Variants in FUT8 observed in about 807,000 individuals in gnomAD.
The protein encoded by FUT8 is fucosyltransferase 8.
In FUT8, 29 loss-of-function variants were observed where a neutral mutation model predicts 71.3. That is an observed-to-expected ratio of 0.41 (90% CI 0.30 to 0.55). The LOEUF (loss-of-function observed/expected upper bound fraction) is 0.55. Ranked by LOEUF, FUT8 falls within the 20% of genes least tolerant of loss-of-function variation. FUT8 has a pLI of 0.34. For missense variants in FUT8, 544 were observed against 702.1 expected (o/e 0.77, Z 2.55); for synonymous variants, 254 against 239.3 (o/e 1.06, Z -0.57).
intron 2 of FUT8, among the ~76,000 whole-genome samples, chr14:65,461,207 A>C (rs1317274983): frequency 3.3e-5 from 5 of 152,006 alleles, no homozygotes. Flanking sequence ...AATCCTTGGT[A>C]TTTCTTGACT....
At chr14:65,465,616 GT>G (rs1440419387) in intron 2 of FUT8, among the ~76,000 whole-genome samples, 1 of 152,138 alleles carries the variant, frequency 6.6e-6, no homozygotes, top group Non-Finnish European at 1.5e-5. Flanking sequence ...CTATGTTTTT[GT>G]TTAACTAGTT....
chr14:65,438,598 G>C (rs921211317), intron 1 of FUT8, among the ~76,000 whole-genome samples: 1 of 152,156 alleles, frequency 6.6e-6, no homozygotes, highest in Non-Finnish European at 1.5e-5. Context: ...AGCAGCTCTG[G>C]AGTATTATCA....
chr14:65,498,574 CAT>C (rs1212325935), intron 2 of FUT8, among the ~76,000 whole-genome samples: 1 of 152,114 alleles, frequency 6.6e-6, no homozygotes, highest in Non-Finnish European at 1.5e-5. Flanking sequence ...TTTAAATACT[CAT>C]AGAATATAAT....
intron 1 of FUT8, among the ~76,000 whole-genome samples, chr14:65,447,879 G>T (rs903169300): frequency 2.0e-5 from 3 of 152,062 alleles, no homozygotes; most frequent in Admixed American, 1.3e-4. Flanking sequence ...AAACCTCTTC[G>T]TTTCTGTTTC....
Position 65,724,286 on chromosome 14 carries a change from A to G in FUT8, c.1222A>G (p.Thr408Ala). 1.9e-6 allele frequency: 3 copies of G among 1,611,066 alleles called. No homozygotes were observed. Among genetic ancestry groups the G allele is most frequent in the Non-Finnish European group, 2.5e-6 (3 of 1,179,338 alleles). ...GGACAAAAAAAGAGTGTATTTGGCC[A>G]CAGATGACCCTTCTTTATTAAAGGA... ...QVDKKRVYLA[T>A]DDPSLLKEAK... Residue 408 changes from threonine (T) to alanine (A), a missense_variant, in exon 9 of 11, where the codon ACA becomes GCA. Physicochemically the swap from Thr to Ala is moderately conservative, Grantham distance 58. Transcript: ENST00000673929.
rs1418473590 is a variant in FUT8 at position 65,469,922 on chromosome 14, C to T, written c.-228+14204C>T. Among the ~76,000 whole-genome samples the T allele has an allele frequency of 3.3e-5, 5 of 152,282 alleles. No individual in the cohort carries two copies. The South Asian group carries it at 6.2e-4, about 19-fold the overall frequency. On this transcript the variant is annotated intron_variant, in intron 2 of 10. Transcript: ENST00000673929. ...CACCACAAGCCCCCACTGCAGTCTGCGGGACTGGCAGCCCGGTCCCCAACG... is the reference window on the plus strand; with the variant it reads ...CACCACAAGCCCCCACTGCAGTCTGTGGGACTGGCAGCCCGGTCCCCAACG...
chr14:65,428,586 G>GAT (rs1282935993), intron 1 of FUT8, among the ~76,000 whole-genome samples: 1 of 152,172 alleles, frequency 6.6e-6, no homozygotes, highest in Non-Finnish European at 1.5e-5. Context: ...TGGTCTAATG[G>GAT]ATGATTCAGC....
rs533659062 is a variant in FUT8 at position 65,638,075 on chromosome 14, G to A, written c.597+8469G>A. On this transcript the variant is annotated intron_variant, in intron 6 of 10. Transcript: ENST00000673929. The surrounding 1 kb of genome is among the most constrained non-coding windows in gnomAD (Gnocchi z 4.5). Reference sequence around the variant, plus strand: ...CACCTGCGCCTAAGTTGGGTCAGTCGTTTCTGAGCAACACCCTGGCACAAG... The same window carrying A: ...CACCTGCGCCTAAGTTGGGTCAGTCATTTCTGAGCAACACCCTGGCACAAG... Among the ~76,000 whole-genome samples, 69 of 152,358 alleles carry A rather than the reference G, an allele frequency of 4.5e-4. No homozygotes were observed. Among genetic ancestry groups the A allele is most frequent in the African/African-American group, 1.3e-3 (55 of 41,584 alleles).
chr14:65,497,017 G>A (rs1240538149), intron 2 of FUT8, among the ~76,000 whole-genome samples: 1 of 152,142 alleles, frequency 6.6e-6, no homozygotes, highest in Non-Finnish European at 1.5e-5. Flanking sequence ...GGGTTGTGAT[G>A]AAGTTTAAGG....
intron 6 of FUT8, among the ~76,000 whole-genome samples, chr14:65,665,910 A>G (rs1246359747): frequency 6.6e-6 from 1 of 152,084 alleles, no homozygotes; most frequent in African/African-American, 2.4e-5. Flanking sequence ...GATGGGCACC[A>G]CAGACACTGG....
At chr14:65,674,142 T>C (rs927477861) in intron 7 of FUT8, among the ~76,000 whole-genome samples, 1 of 152,202 alleles carries the variant, frequency 6.6e-6, no homozygotes, top group South Asian at 2.1e-4. Flanking sequence ...GCTATAGATA[T>C]GCATATGTTA....
intron 1 of FUT8, among the ~76,000 whole-genome samples, chr14:65,446,795 C>CTT (rs766854442): frequency 2.8e-5 from 4 of 143,360 alleles, no homozygotes; most frequent in Admixed American, 7.0e-5. Flanking sequence ...CCCTCTCTCT[C>CTT]TTTTTTTTTT....
chr14:65,429,700 A>G (rs2065440380), intron 1 of FUT8, among the ~76,000 whole-genome samples: 1 of 151,884 alleles, frequency 6.6e-6, no homozygotes, highest in South Asian at 2.1e-4. Context: ...CCATCTTTAC[A>G]AATAATTAAA....
chr14:65,407,633 A>C (rs544176071), upstream of FUT8, among the ~76,000 whole-genome samples: 8 of 152,350 alleles, frequency 5.3e-5, no homozygotes, highest in African/African-American at 1.9e-4. Context: ...TTCTTGAGAC[A>C]TATCTGTGTT....
chr14:65,693,754 ATACAGAAT>A (rs1362175729), intron 7 of FUT8, among the ~76,000 whole-genome samples: 1 of 152,262 alleles, frequency 6.6e-6, no homozygotes, highest in Non-Finnish European at 1.5e-5. Context: ...GGAAGAAATT[ATACAGAAT>A]TGGCATCATT....
intron 6 of FUT8, among the ~76,000 whole-genome samples, chr14:65,647,262 C>T (rs1891164621): frequency 6.6e-6 from 1 of 152,036 alleles, no homozygotes; most frequent in Admixed American, 6.6e-5. Context: ...TCTTCTTGTT[C>T]CTCTAGTATG....
At chr14:65,694,425 C>T (rs1248390880) in intron 7 of FUT8, among the ~76,000 whole-genome samples, 3 of 152,116 alleles carry the variant, frequency 2.0e-5, no homozygotes. Context: ...ATAAATAACA[C>T]AAAGTGCTTC....
In FUT8 at chr14:65,633,961, G is replaced by A. The variant is rs925761735; in HGVS notation, c.597+4355G>A. ...GGAGGTGGGGGGTCAGCCCCTGCCCGGCTAGCCGCCCCATCCGGGAGGTGA... is the reference window on the plus strand; with the variant it reads ...GGAGGTGGGGGGTCAGCCCCTGCCCAGCTAGCCGCCCCATCCGGGAGGTGA... On this transcript the variant is annotated intron_variant, in intron 6 of 10. Transcript: ENST00000673929. Among the ~76,000 whole-genome samples the A allele has an allele frequency of 5.3e-5, 8 of 150,302 alleles. No individual in the cohort carries two copies. The South Asian group carries it at 8.4e-4, about 16-fold the overall frequency.
At chr14:65,383,262 T>TTTCTTTTTC in the FUT8 span, among the ~76,000 whole-genome samples, 1 of 132,490 alleles carries the variant, frequency 7.5e-6, no homozygotes, top group East Asian at 2.9e-4. Flanking sequence ...TTCTTTTTCT[T>TTTCTTTTTC]TTCTTTTTTT....
Sources: gnomAD v4.1 joint callset for allele counts (sites outside exome capture counted in the v4.1 genomes callset) on GRCh38, gnomAD v4.1.1 for gene constraint, Gnocchi (gnomAD v3.1) non-coding constraint, MANE v1.5 for transcripts, NCBI Gene and HGNC (gene_info 2026-07-23, HGNC 2026-07-21) for gene names.